The following FOXN2 variants were observed in gnomAD, a reference collection of about 807,000 sequenced individuals.
FOXN2 encodes the protein forkhead box protein N2.
In FOXN2, 19 loss-of-function variants were observed where a neutral mutation model predicts 41.2. That is an observed-to-expected ratio of 0.46 (90% CI 0.32 to 0.68). FOXN2 has a LOEUF of 0.68. FOXN2 is among the 30% of genes least tolerant of loss of function. The probability of loss-of-function intolerance (pLI) is 0.03; values close to 1 mark genes in which losing one functional copy is unlikely to be tolerated. For missense variants in FOXN2, 587 were observed against 509.4 expected (o/e 1.15, Z -1.47); for synonymous variants, 195 against 176.8 (o/e 1.10, Z -0.82).
intron 2 of FOXN2, among the ~76,000 whole-genome samples, chr2:48,339,927 T>G (rs1670629874): frequency 6.6e-6 from 1 of 152,210 alleles, no homozygotes; most frequent in South Asian, 2.1e-4. Context: ...AATGGAATAC[T>G]AGTCTCTGTA....
At chr2:48,339,931 C>G (rs1670630544) in intron 2 of FOXN2, among the ~76,000 whole-genome samples, 1 of 152,046 alleles carries the variant, frequency 6.6e-6, no homozygotes, top group Non-Finnish European at 1.5e-5. Flanking sequence ...GAATACTAGT[C>G]TCTGTAAAAA....
intron 3 of FOXN2, among the ~76,000 whole-genome samples, chr2:48,352,579 C>G (rs1030856612): frequency 1.3e-5 from 2 of 152,120 alleles, no homozygotes; most frequent in Admixed American, 6.5e-5. Context: ...TCTCCTAAAG[C>G]CCAGACGTAA....
chr2:48,376,476 C>T lies in FOXN2; in HGVS notation c.*1033C>T, dbSNP rs1044769387. On this transcript the variant is annotated 3_prime_UTR_variant, in exon 7 of 7. Coordinates refer to ENST00000340553, the MANE Select transcript of FOXN2 (RefSeq NM_002158.4). ...TGTATGAATTAAATTCATAAGTATA[C>T]CAAATTAAATCTTAATAGATTTAAT... is the stretch of plus-strand genomic sequence containing the variant. 45 of 152,328 alleles carry T rather than the reference C, an allele frequency of 3.0e-4. No individual in the cohort carries two copies. Among genetic ancestry groups the T allele is most frequent in the South Asian group, 2.1e-4 (1 of 4,828 alleles). 9.4% of individuals were successfully genotyped at this position (152,328 alleles called of 1,614,324 possible).
chr2:48,346,218 G>A lies in FOXN2; in HGVS notation c.4G>A (p.Gly2Ser), dbSNP rs1671089467. Reference protein sequence around the residue: MGPVIGMTPDKR... With the variant: MSPVIGMTPDKR... ...TGTTGCAGAACTGTAAGAGTAAATG[G>A]GTCCAGTAATTGGAATGACTCCAGA... The change falls in exon 3 of 7, where the codon GGT (glycine) becomes AGT (serine). Residue 2 changes from glycine to serine, a missense_variant. Coordinates refer to ENST00000340553, the MANE Select transcript of FOXN2 (RefSeq NM_002158.4). 3 of 1,601,708 alleles carry A rather than the reference G, an allele frequency of 1.9e-6. No individual in the cohort carries two copies. Among genetic ancestry groups the A allele is most frequent in the Non-Finnish European group, 2.6e-6 (3 of 1,174,814 alleles).
At chr2:48,352,477 A>C (rs983215553) in intron 3 of FOXN2, among the ~76,000 whole-genome samples, 1 of 151,966 alleles carries the variant, frequency 6.6e-6, no homozygotes, top group Non-Finnish European at 1.5e-5. Flanking sequence ...AGTGTTCACT[A>C]TTTTGTCTTT....
chr2:48,375,509 G>C lies in FOXN2; in HGVS notation c.*66G>C, dbSNP rs1305327784. The C allele has an allele frequency of 2.1e-6, 3 of 1,410,596 alleles. No individual in the cohort carries two copies. In the Admixed American group the frequency reaches 7.1e-5, roughly 34 times the overall value. 87.4% of individuals were successfully genotyped at this position (1,410,596 alleles called of 1,614,324 possible). On this transcript the variant is annotated 3_prime_UTR_variant, in exon 7 of 7. Transcript: ENST00000340553. Reference sequence around the variant, plus strand: ...TACAAGGGATATCAAAGCCATAATGGACTTCATTAGTTTTAGGGTAGGGAA... The same window carrying C: ...TACAAGGGATATCAAAGCCATAATGCACTTCATTAGTTTTAGGGTAGGGAA...
intron 2 of FOXN2, among the ~76,000 whole-genome samples, chr2:48,338,710 A>G (rs968521951): frequency 6.6e-6 from 1 of 152,138 alleles, no homozygotes; most frequent in Non-Finnish European, 1.5e-5. Flanking sequence ...GAAATTTTTA[A>G]TAAATGGTGC....
At chr2:48,371,604 T>C (rs1672899314) in intron 5 of FOXN2, among the ~76,000 whole-genome samples, 1 of 152,218 alleles carries the variant, frequency 6.6e-6, no homozygotes, top group Non-Finnish European at 1.5e-5. Flanking sequence ...TCTTTTGTAG[T>C]TCCATACAAC....
intron 1 of FOXN2, among the ~76,000 whole-genome samples, chr2:48,316,616 C>A (rs1668935793): frequency 6.6e-6 from 1 of 151,884 alleles, no homozygotes. Context: ...TTAACATGAA[C>A]AGATTTTAAG....
In FOXN2 at chr2:48,346,600, C is replaced by G. The variant is rs1671117858; in HGVS notation, c.386C>G (p.Pro129Arg). 3.7e-6 allele frequency: 6 copies of G among 1,614,006 alleles called. No homozygotes were observed. The Admixed American group carries it at 8.3e-5, about 22-fold the overall frequency. ...LLIYMAIEHS[P>R]NKCLPVKEIY... The stretch of plus-strand genomic sequence containing the variant: ...ATTTATATGGCCATTGAGCACTCTC[C>G]AAATAAATGTTTGCCTGTCAAAGAA... The change falls in exon 3 of 7, where the codon CCA (proline) becomes CGA (arginine). Residue 129 changes from proline to arginine, a missense_variant. Coordinates refer to ENST00000340553, the MANE Select transcript of FOXN2 (RefSeq NM_002158.4).
At chr2:48,370,917 T>C (rs1201331851) in intron 5 of FOXN2, among the ~76,000 whole-genome samples, 1 of 152,212 alleles carries the variant, frequency 6.6e-6, no homozygotes, top group Non-Finnish European at 1.5e-5. Context: ...CTGGTAGTTT[T>C]ATCGTTTCAG....
At chr2:48,351,283 CGTTTT>C (rs924485293) in intron 3 of FOXN2, among the ~76,000 whole-genome samples, 4 of 147,062 alleles carry the variant, frequency 2.7e-5, no homozygotes, top group Non-Finnish European at 6.0e-5. Flanking sequence ...CAATGTTTTT[CGTTTT>C]GTTTTGTGAG....
chr2:48,335,525 G>C (rs559318473), intron 2 of FOXN2, among the ~76,000 whole-genome samples: 23 of 86,662 alleles, frequency 2.7e-4, no homozygotes. Context: ...TGATATGCAA[G>C]ACAAAATAAC....
At chr2:48,337,476 GT>G (rs963677748) in intron 2 of FOXN2, among the ~76,000 whole-genome samples, 11 of 149,888 alleles carry the variant, frequency 7.3e-5, no homozygotes, top group Non-Finnish European at 1.2e-4. Flanking sequence ...TTTTTGTGGG[GT>G]TTTTTTTTGG....
rs535230728 is a variant in FOXN2, at chr2:48,324,914, C to T, written c.-156-3647C>T. Reference sequence around the variant, plus strand: ...GGTGGGAATTATGTGGAGGAGTTGTCGTTAAATTAGGTCTTAAATATTAGG... The same window carrying T: ...GGTGGGAATTATGTGGAGGAGTTGTTGTTAAATTAGGTCTTAAATATTAGG... On this transcript the variant is annotated intron_variant, in intron 1 of 6. Transcript: ENST00000340553. Among the ~76,000 whole-genome samples, 23 of 152,102 alleles carry T rather than the reference C, an allele frequency of 1.5e-4. 1 individual carries two copies. In the South Asian group the frequency reaches 4.8e-3, roughly 32 times the overall value.
intron 5 of FOXN2, among the ~76,000 whole-genome samples, chr2:48,364,793 G>A (rs1672425360): frequency 6.6e-6 from 1 of 151,650 alleles, no homozygotes; most frequent in African/African-American, 2.4e-5. Context: ...TTTCAAGACT[G>A]TGAAAATTCA....
At chr2:48,374,512 A>G (rs918155380) in intron 6 of FOXN2, among the ~76,000 whole-genome samples, 1 of 152,074 alleles carries the variant, frequency 6.6e-6, no homozygotes, top group Non-Finnish European at 1.5e-5. Context: ...TCCCTTAGCA[A>G]TTTTTTCATA....
At chr2:48,341,610 C>G (rs1409587864) in intron 2 of FOXN2, among the ~76,000 whole-genome samples, 1 of 152,060 alleles carries the variant, frequency 6.6e-6, no homozygotes, top group East Asian at 1.9e-4. Flanking sequence ...ATGATGGATG[C>G]CAGGGTAAAA....
Position 48,346,228 on chromosome 2 carries a change from T to C in FOXN2, c.14T>C (p.Ile5Thr). ...CTGTAAGAGTAAATGGGTCCAGTAA[T>C]TGGAATGACTCCAGATAAGAGAGCT... MGPV[I>T]GMTPDKRAET... Residue 5 changes from isoleucine to threonine, a missense_variant, in exon 3 of 7, where the codon ATT (isoleucine) becomes ACT (threonine). Coordinates refer to ENST00000340553, the MANE Select transcript of FOXN2 (RefSeq NM_002158.4). The C allele has an allele frequency of 6.2e-7, 1 of 1,606,812 alleles. No homozygotes were observed. Among genetic ancestry groups the C allele is most frequent in the Non-Finnish European group, 8.5e-7 (1 of 1,177,100 alleles).
Sources: gnomAD v4.1 joint callset for allele counts (sites outside exome capture counted in the v4.1 genomes callset) on GRCh38, gnomAD v4.1.1 for gene constraint, MANE v1.5 for transcripts, NCBI Gene and HGNC (gene_info 2026-07-23, HGNC 2026-07-21) for gene names.